The following CLVS1 variants were observed in gnomAD, a reference collection of about 807,000 sequenced individuals.
CLVS1 encodes clavesin 1.
CLVS1 carries 10 observed loss-of-function variants against 33.1 expected under a neutral mutation model. The observed-to-expected ratio is 0.30, with a 90% CI of 0.19 to 0.51. CLVS1 has a LOEUF of 0.51. Among genes scored for constraint, CLVS1 ranks in the 20% least tolerant of loss-of-function variants. The pLI is 0.97. For synonymous variants in CLVS1, 163 were observed against 166.1 expected (o/e 0.98, Z 0.14); for missense variants, 343 against 433.4 (o/e 0.79, Z 1.85).
rs187870395 is a variant in CLVS1 at position 61,306,295 on chromosome 8, G to T, written c.455+6013G>T. ...CATTTCTCTAATGATCAGTGATGTT[G>T]AGCCTTTTTTCATACAATTGTTGGC... On this transcript the variant is annotated intron_variant, in intron 2 of 5. Coordinates refer to ENST00000325897, the MANE Select transcript of CLVS1 (RefSeq NM_173519.3). Among the ~76,000 whole-genome samples the T allele has an allele frequency of 1.5e-3, 224 of 152,272 alleles. 2 individuals are homozygous for T. Among genetic ancestry groups the T allele is most frequent in the African/African-American group, 5.0e-3 (209 of 41,554 alleles).
At chr8:61,150,804 C>G (rs190911998) in intron 2 of CLVS1, among the ~76,000 whole-genome samples, 3 of 152,236 alleles carry the variant, frequency 2.0e-5, no homozygotes, top group Admixed American at 6.5e-5. Context: ...GGAGTTGATA[C>G]GTAGACATTG....
intron 2 of CLVS1, among the ~76,000 whole-genome samples, chr8:61,166,147 A>T (rs1416630218): frequency 8.2e-5 from 11 of 134,684 alleles, no homozygotes; most frequent in Admixed American, 3.2e-4. Flanking sequence ...TTTTTTTTTG[A>T]GACAGAGTCT....
rs760117672 is a variant in CLVS1 at position 61,300,205 on chromosome 8, C to A, written c.378C>A (p.Phe126Leu). ...PGIKRALIDG[F>L]PGVLENRDHY... ...TTAAGAGGGCTCTGATCGATGGGTTCCCCGGGGTGCTGGAAAACCGAGACC... is the reference window on the plus strand; with the variant it reads ...TTAAGAGGGCTCTGATCGATGGGTTACCCGGGGTGCTGGAAAACCGAGACC... The change falls in exon 2 of 6, where the codon TTC becomes TTA. Residue 126 changes from phenylalanine to leucine, a missense_variant. By Grantham distance (22) the Phe-to-Leu change is conservative (BLOSUM62 0). Coordinates refer to ENST00000325897, the MANE Select transcript of CLVS1 (RefSeq NM_173519.3). 1 of 1,613,940 alleles carries A rather than the reference C, an allele frequency of 6.2e-7. No homozygotes were observed. The highest frequency in any genetic ancestry group is 8.5e-7 in the Non-Finnish European group (1 of 1,179,948).
chr8:61,252,184 C>T (rs1250806830), intron 2 of CLVS1, among the ~76,000 whole-genome samples: 1 of 152,168 alleles, frequency 6.6e-6, no homozygotes, highest in Non-Finnish European at 1.5e-5. Context: ...ACCCAGTAGT[C>T]ATTCAGGAGC....
intron 5 of CLVS1, among the ~76,000 whole-genome samples, chr8:61,466,656 TA>T (rs1371516043): frequency 6.6e-6 from 1 of 152,216 alleles, no homozygotes; most frequent in Non-Finnish European, 1.5e-5. Context: ...ATTTTATTAT[TA>T]TTTTTTTGAG....
At chr8:61,421,247 G>T (rs1815651916) in intron 3 of CLVS1, among the ~76,000 whole-genome samples, 1 of 152,166 alleles carries the variant, frequency 6.6e-6, no homozygotes. Flanking sequence ...GGCTGTAAAT[G>T]CACAGCTGTA....
At chr8:61,493,004 C>T (rs4738900) in intron 5 of CLVS1, among the ~76,000 whole-genome samples, 83,194 of 152,078 alleles carry the variant, frequency 0.55, 26,493 homozygotes, top group Non-Finnish European at 0.71. Context: ...TAGAAAGAAA[C>T]GTCGTAGCTT....
chr8:61,292,582 T>C (rs886521703), intron 1 of CLVS1: 7 of 329,374 alleles, frequency 2.1e-5, no homozygotes, highest in African/African-American at 1.5e-4. Flanking sequence ...TGTTTTCCTT[T>C]CTCTTCCCAT....
intron 2 of CLVS1, among the ~76,000 whole-genome samples, chr8:61,359,431 C>A (rs951343143): frequency 6.6e-6 from 1 of 152,082 alleles, no homozygotes; most frequent in African/African-American, 2.4e-5. Context: ...CCTTGGCTCA[C>A]TGAAACCTCT....
Position 61,499,564 on chromosome 8 carries a change from C to T in CLVS1, c.*22C>T, listed in dbSNP as rs200357400. Reference sequence around the variant, plus strand: ...CTGAACCCTGAGTCACCCCAATGCTCCTGCACACTGGCCTTCAGTGGTATC... The same window carrying T: ...CTGAACCCTGAGTCACCCCAATGCTTCTGCACACTGGCCTTCAGTGGTATC... On this transcript the variant is annotated 3_prime_UTR_variant, in exon 6 of 6. Transcript: ENST00000325897. 6.3e-7 allele frequency: 1 copy of T among 1,589,656 alleles called. No individual in the cohort carries two copies. The highest frequency in any genetic ancestry group is 8.6e-7 in the Non-Finnish European group (1 of 1,158,076).
intron 1 of CLVS1, among the ~76,000 whole-genome samples, chr8:61,060,085 G>A (rs757537421): frequency 1.3e-5 from 2 of 152,144 alleles, no homozygotes; most frequent in Non-Finnish European, 2.9e-5. Context: ...TTGGGCTGTA[G>A]CATGATAGAG....
chr8:61,449,851 G>A (rs1343754317), intron 3 of CLVS1, among the ~76,000 whole-genome samples: 1 of 152,112 alleles, frequency 6.6e-6, no homozygotes, highest in Non-Finnish European at 1.5e-5. Flanking sequence ...GTCTTCATAT[G>A]TTTATTTTAT....
intron 2 of CLVS1, among the ~76,000 whole-genome samples, chr8:61,341,879 A>G (rs1812040100): frequency 6.6e-6 from 1 of 152,330 alleles, no homozygotes; most frequent in Non-Finnish European, 1.5e-5. Flanking sequence ...TTCATTTTGA[A>G]TGGATGCTGA....
At chr8:61,351,888 C>A (rs773518110) in intron 2 of CLVS1, among the ~76,000 whole-genome samples, 1 of 151,394 alleles carries the variant, frequency 6.6e-6, no homozygotes, top group African/African-American at 2.4e-5. Flanking sequence ...TAAGAAAAAA[C>A]TAAAAGAATT....
intron 3 of CLVS1, among the ~76,000 whole-genome samples, chr8:61,442,832 T>G (rs2129606250): frequency 6.6e-6 from 1 of 152,268 alleles, no homozygotes; most frequent in East Asian, 1.9e-4. Context: ...ACTCCTGACC[T>G]CGTGATCCGC....
At chr8:61,434,551 A>G (rs1041787217) in intron 3 of CLVS1, among the ~76,000 whole-genome samples, 1 of 152,188 alleles carries the variant, frequency 6.6e-6, no homozygotes, top group Non-Finnish European at 1.5e-5. Context: ...AATCAAATAC[A>G]TTTAAGAAAT....
intron 1 of CLVS1, among the ~76,000 whole-genome samples, chr8:61,083,000 G>C (rs62524479): frequency 6.6e-5 from 4 of 60,178 alleles, no homozygotes; most frequent in African/African-American, 2.9e-4. Context: ...TAAAAAAAAA[G>C]AAGAAGAAAT....
chr8:61,315,789 TTAC>T (rs1810988439), intron 2 of CLVS1, among the ~76,000 whole-genome samples: 1 of 152,204 alleles, frequency 6.6e-6, no homozygotes, highest in Non-Finnish European at 1.5e-5. Context: ...TGCAGGTTTG[TTAC>T]ATAGGTATAT....
chr8:60,998,534 T>C, the CLVS1 span, among the ~76,000 whole-genome samples: 1 of 151,884 alleles, frequency 6.6e-6, no homozygotes, highest in Non-Finnish European at 1.5e-5. Flanking sequence ...ACACAGGAGA[T>C]GGATTAGGGG....
Sources: gnomAD v4.1 joint callset for allele counts (sites outside exome capture counted in the v4.1 genomes callset) on GRCh38, gnomAD v4.1.1 for gene constraint, MANE v1.5 for transcripts, NCBI Gene and HGNC (gene_info 2026-07-23, HGNC 2026-07-21) for gene names.